DOCK3: variants seen among roughly 807,000 people sequenced by gnomAD.
The protein encoded by DOCK3 is dedicator of cytokinesis 3.
Under a neutral mutation model 265.6 loss-of-function variants are expected in DOCK3, and 60 were observed. The observed-to-expected ratio is 0.23, with a 90% confidence interval of 0.18 to 0.28. The LOEUF (loss-of-function observed/expected upper bound fraction) is 0.28. DOCK3 is among the 10% of genes least tolerant of loss of function. The pLI is 1.00. For synonymous variants in DOCK3, 881 were observed against 938.0 expected (o/e 0.94, Z 1.11); for missense variants, 1,981 against 2,594.3 (o/e 0.76, Z 5.14).
At chr3:50,751,308 G>C (rs932241335) in intron 1 of DOCK3, among the ~76,000 whole-genome samples, 1 of 151,566 alleles carries the variant, frequency 6.6e-6, no homozygotes, top group Non-Finnish European at 1.5e-5. Flanking sequence ...AGAACATGCA[G>C]GCTTGTTGCA....
At chr3:50,704,203 C>A (rs2036239587) in intron 1 of DOCK3, among the ~76,000 whole-genome samples, 1 of 152,096 alleles carries the variant, frequency 6.6e-6, no homozygotes. Flanking sequence ...TATGGTCTAT[C>A]CTGGGAAAAC....
At chr3:51,311,978 G>T (rs931352910) in intron 28 of DOCK3, 26 bp from the exon 29 acceptor site, 25 of 1,540,134 alleles carry the variant, frequency 1.6e-5, no homozygotes, top group Middle Eastern at 1.7e-4. Context: ...TTTTAATTCT[G>T]CCAATGCCTT....
intron 5 of DOCK3, among the ~76,000 whole-genome samples, chr3:50,957,481 T>C (rs554543948): frequency 6.6e-6 from 1 of 152,344 alleles, no homozygotes; most frequent in Admixed American, 6.5e-5. Flanking sequence ...AAAGTTATTC[T>C]GCTAATCTAT....
At chr3:51,331,571 A>AT (rs2084520502) in intron 33 of DOCK3, among the ~76,000 whole-genome samples, 1 of 151,900 alleles carries the variant, frequency 6.6e-6, no homozygotes, top group Non-Finnish European at 1.5e-5. Flanking sequence ...AAAAAAAAAA[A>AT]GTAAATCATG....
At chr3:51,236,309 T>C (rs2078347585) in intron 19 of DOCK3, 36 bp from the exon 20 acceptor site, 1 of 1,536,436 alleles carries the variant, frequency 6.5e-7, no homozygotes, top group South Asian at 1.1e-5. Flanking sequence ...TGTAAGGTCC[T>C]GAGACCTGAG....
At chr3:51,217,626 A>G (rs1010402626) in intron 14 of DOCK3, among the ~76,000 whole-genome samples, 1 of 152,248 alleles carries the variant, frequency 6.6e-6, no homozygotes, top group Non-Finnish European at 1.5e-5. Flanking sequence ...AGCTAATAAT[A>G]ACTCTATGGC....
intron 24 of DOCK3, among the ~76,000 whole-genome samples, chr3:51,271,525 G>T (rs532544454): frequency 1.4e-4 from 22 of 152,146 alleles, no homozygotes; most frequent in Admixed American, 4.6e-4. Context: ...CAGCTTCCAA[G>T]AACAGAGCCT....
chr3:51,191,881 A>T (rs920643237), intron 12 of DOCK3, among the ~76,000 whole-genome samples: 1 of 151,658 alleles, frequency 6.6e-6, no homozygotes, highest in African/African-American at 2.4e-5. Flanking sequence ...TCTACTCTGA[A>T]TATTAGTCCC....
Position 51,382,965 on chromosome 3 carries a change from A to G in DOCK3, c.*1406A>G, listed in dbSNP as rs189168052. The G allele has an allele frequency of 2.0e-5, 3 of 152,200 alleles. No homozygotes were observed. Among genetic ancestry groups the G allele is most frequent in the Admixed American group, 1.3e-4 (2 of 15,292 alleles). 9.4% of individuals were successfully genotyped at this position (152,200 alleles called of 1,614,324 possible). On this transcript the variant is annotated 3_prime_UTR_variant, in exon 53 of 53. Coordinates refer to ENST00000266037, the MANE Select transcript of DOCK3 (RefSeq NM_004947.5). ...AGTTACTTTAAAAAAAGCCTACAAA[A>G]TATTTTTTTTCTTTTATTTGCTCGA...
chr3:51,026,303 C>A (rs139022600), intron 5 of DOCK3, among the ~76,000 whole-genome samples: 2 of 152,008 alleles, frequency 1.3e-5, no homozygotes, highest in African/African-American at 4.8e-5. Context: ...ATATGTTTAC[C>A]ATCCTTGCAT....
intron 5 of DOCK3, among the ~76,000 whole-genome samples, chr3:50,979,465 G>T (rs2077611629): frequency 6.6e-6 from 1 of 152,106 alleles, no homozygotes; most frequent in South Asian, 2.1e-4. Flanking sequence ...TTCTTGCTCT[G>T]TTAGTTTATA....
intron 5 of DOCK3, among the ~76,000 whole-genome samples, chr3:50,954,432 G>A (rs182107704): frequency 1.3e-5 from 2 of 152,214 alleles, no homozygotes; most frequent in East Asian, 3.9e-4. Context: ...TCACTCACAT[G>A]CTCTATGACC....
At chr3:51,213,571 G>A (rs2089626267) in intron 13 of DOCK3, among the ~76,000 whole-genome samples, 1 of 152,194 alleles carries the variant, frequency 6.6e-6, no homozygotes, top group East Asian at 1.9e-4. Flanking sequence ...TCCCACAAAA[G>A]CGCCCTCTTT....
rs1196864390 is a variant in DOCK3 at position 51,277,741 on chromosome 3, C to T, written c.2810C>T (p.Thr937Ile). 1 of 1,611,470 alleles carries T rather than the reference C, an allele frequency of 6.2e-7. No homozygotes were observed. Among genetic ancestry groups the T allele is most frequent in the Non-Finnish European group, 8.5e-7 (1 of 1,179,150 alleles). The change falls in exon 26 of 53, where the codon ACA becomes ATA. Residue 937 changes from threonine (T) to isoleucine (I), a missense_variant. Physicochemically the swap from Thr to Ile is moderately conservative, Grantham distance 89. Around this residue, in one of 4 missense-constraint regions of DOCK3, gnomAD observed 1,357 missense variants for 1,866.8 expected, o/e 0.73. Transcript: ENST00000266037. ...AVRGQRCPQCTAEITGEYVSC... is the reference protein window; with the variant it reads ...AVRGQRCPQCIAEITGEYVSC... ...AGAGGGCAGCGGTGCCCGCAGTGCA[C>T]AGCCGAGATCACTGTTAGTAACTAA...
chr3:51,379,248 C>G (rs1002426599), intron 51 of DOCK3, among the ~76,000 whole-genome samples: 2 of 152,244 alleles, frequency 1.3e-5, no homozygotes, highest in East Asian at 1.9e-4. Flanking sequence ...TTGCCCTCCT[C>G]TTAAGCAGCT....
At chr3:50,788,629 G>A (rs2042306561) in intron 2 of DOCK3, among the ~76,000 whole-genome samples, 1 of 152,234 alleles carries the variant, frequency 6.6e-6, no homozygotes, top group South Asian at 2.1e-4. Flanking sequence ...CCTCCAGCCA[G>A]GCTGGCCCCT....
At chr3:50,719,689 T>C (rs1470946447) in intron 1 of DOCK3, 3 of 1,526,862 alleles carry the variant, frequency 2.0e-6, no homozygotes, top group Non-Finnish European at 2.7e-6. Flanking sequence ...ATGGACAAGA[T>C]GCCGGGACTT....
At chr3:51,333,794 G>A (rs2084686201) in intron 35 of DOCK3, among the ~76,000 whole-genome samples, 1 of 152,064 alleles carries the variant, frequency 6.6e-6, no homozygotes, top group South Asian at 2.1e-4. Context: ...AGAGGAAACA[G>A]CCTGTGAGCT....
intron 9 of DOCK3, among the ~76,000 whole-genome samples, chr3:51,129,599 T>C (rs2084419866): frequency 6.6e-6 from 1 of 152,192 alleles, no homozygotes; most frequent in Non-Finnish European, 1.5e-5. Flanking sequence ...TGATAGGCCA[T>C]TGAGGTCGCA....
Sources: allele counts gnomAD v4.1 joint callset (sites outside exome capture counted in the v4.1 genomes callset), GRCh38; gene constraint gnomAD v4.1.1; regional missense constraint gnomAD v4.1.1; transcripts MANE v1.5; gene names NCBI Gene and HGNC (gene_info 2026-07-23, HGNC 2026-07-21).